EML6: variants seen among roughly 807,000 people sequenced by gnomAD.
EML6 encodes the protein echinoderm microtubule-associated protein-like 6.
In EML6, 154 loss-of-function variants were observed where a neutral mutation model predicts 240.1. The observed-to-expected ratio is 0.64, with a 90% CI of 0.56 to 0.73. The LOEUF is 0.73. Among genes scored for constraint, EML6 ranks in the 30% least tolerant of loss-of-function variants. The pLI, the probability that EML6 is intolerant of heterozygous loss-of-function variation, is 0.00. For synonymous variants in EML6, 1,148 were observed against 899.0 expected, an observed-to-expected ratio of 1.28 and a Z score of -4.95; for missense variants, 2,964 against 2,474.6, an observed-to-expected ratio of 1.20 and a Z score of -4.20.
chr2:54,839,790 A>G (rs150937676), intron 7 of EML6, among the ~76,000 whole-genome samples: 2 of 152,296 alleles, frequency 1.3e-5, no homozygotes, highest in South Asian at 2.1e-4. Flanking sequence ...CTCCCTGGAT[A>G]TGGTCTGAAA....
chr2:54,788,226 C>T (rs1047174468), intron 2 of EML6, among the ~76,000 whole-genome samples: 4 of 152,236 alleles, frequency 2.6e-5, no homozygotes, highest in African/African-American at 9.6e-5. Flanking sequence ...TTCCAGATGG[C>T]TCCCGCTTCC....
At chr2:54,754,596 A>G (rs920698613) in intron 2 of EML6, among the ~76,000 whole-genome samples, 3 of 152,088 alleles carry the variant, frequency 2.0e-5, no homozygotes, top group African/African-American at 7.2e-5. Context: ...TACTTTGTCA[A>G]TTCTATATTT....
At position 54,970,628 on chromosome 2, in the gene EML6, GT is replaced by G. The variant is rs1407863423; in HGVS notation, c.*535del. Reference sequence around the variant, plus strand: ...AACCAAATGAGCCATGTATAAAGGAGTTGAGAAACTTAATTTTTAAATGTTT... The same window carrying G: ...AACCAAATGAGCCATGTATAAAGGAGTGAGAAACTTAATTTTTAAATGTTT... On this transcript the variant is annotated 3_prime_UTR_variant, in exon 42 of 42. Coordinates refer to ENST00000356458, the MANE Select transcript of EML6 (RefSeq NM_001039753.4). 1 of 153,484 alleles carries G rather than the reference GT, an allele frequency of 6.5e-6. No homozygotes were observed. The highest frequency in any genetic ancestry group is 1.5e-5 in the Non-Finnish European group (1 of 68,860). 9.5% of individuals were successfully genotyped at this position (153,484 alleles called of 1,614,324 possible).
chr2:54,866,394 G>C (rs1323141529), intron 13 of EML6, among the ~76,000 whole-genome samples: 1 of 152,166 alleles, frequency 6.6e-6, no homozygotes, highest in East Asian at 1.9e-4. Context: ...GGAGAAAATT[G>C]TCATGACTCA....
intron 2 of EML6, among the ~76,000 whole-genome samples, chr2:54,800,001 T>G (rs1342245445): frequency 6.6e-6 from 1 of 151,978 alleles, no homozygotes; most frequent in Admixed American, 6.6e-5. Context: ...ATCTGAGCAA[T>G]TTGAGAGGCT....
intron 2 of EML6, among the ~76,000 whole-genome samples, chr2:54,807,904 G>T (rs775763467): frequency 6.6e-6 from 1 of 152,130 alleles, no homozygotes; most frequent in African/African-American, 2.4e-5. Flanking sequence ...TTATACGAAG[G>T]TATTGCTGGA....
intron 17 of EML6, chr2:54,882,346 G>A (rs1317298776): frequency 6.7e-6 from 1 of 148,654 alleles, no homozygotes; most frequent in Non-Finnish European, 1.5e-5. Flanking sequence ...TAAGAACCAA[G>A]GCTGATCTCT....
chr2:54,768,213 T>A (rs1668268861), intron 2 of EML6, among the ~76,000 whole-genome samples: 1 of 152,100 alleles, frequency 6.6e-6, no homozygotes, highest in Admixed American at 6.5e-5. Context: ...AATGAAAACA[T>A]GTTGTTTTGG....
intron 2 of EML6, among the ~76,000 whole-genome samples, chr2:54,792,784 C>T (rs1359483321): frequency 6.6e-6 from 1 of 152,014 alleles, no homozygotes; most frequent in African/African-American, 2.4e-5. Flanking sequence ...TATAGAAATA[C>T]GACATTGTTC....
At chr2:54,796,735 T>G (rs1277962508) in intron 2 of EML6, among the ~76,000 whole-genome samples, 2 of 152,074 alleles carry the variant, frequency 1.3e-5, no homozygotes, top group Non-Finnish European at 2.9e-5. Flanking sequence ...AAGCGCCTAC[T>G]TGGGAGAAAA....
intron 17 of EML6, among the ~76,000 whole-genome samples, chr2:54,887,502 G>GC (rs1479334909): frequency 6.6e-6 from 1 of 152,046 alleles, no homozygotes; most frequent in Non-Finnish European, 1.5e-5. Context: ...TTTTCATCAA[G>GC]CAAAAGGTTT....
At chr2:54,855,519 C>G (rs750859849) in intron 11 of EML6, among the ~76,000 whole-genome samples, 1 of 139,196 alleles carries the variant, frequency 7.2e-6, no homozygotes, top group Non-Finnish European at 1.5e-5. Flanking sequence ...AGCAGGGACA[C>G]ATGTCCAAAC....
chr2:54,852,800 G>T (rs1013278161), intron 10 of EML6, among the ~76,000 whole-genome samples: 1 of 152,198 alleles, frequency 6.6e-6, no homozygotes. Flanking sequence ...TGAGAGAGAA[G>T]TTAGGTAATA....
At chr2:54,765,506 G>A (rs1235625934) in intron 2 of EML6, among the ~76,000 whole-genome samples, 5 of 152,064 alleles carry the variant, frequency 3.3e-5, no homozygotes, top group African/African-American at 1.2e-4. Context: ...AGTCGCCCAG[G>A]TTGGAGTGCA....
intron 5 of EML6, among the ~76,000 whole-genome samples, chr2:54,824,296 A>T (rs907711081): frequency 2.0e-5 from 3 of 152,220 alleles, no homozygotes; most frequent in South Asian, 4.1e-4. Flanking sequence ...GTCTTAGCAG[A>T]CTTGGACATT....
chr2:54,779,865 G>GAAAAAAAA (rs3036161), intron 2 of EML6, among the ~76,000 whole-genome samples: 6 of 113,148 alleles, frequency 5.3e-5, no homozygotes, highest in Non-Finnish European at 7.8e-5. Context: ...CAAAAAAAAA[G>GAAAAAAAA]AAAAAAAAAA....
In EML6 at chr2:54,891,247, T is replaced by A. The variant is rs992221821; in HGVS notation, c.2539+93T>A. The A allele has an allele frequency of 1.2e-5, 7 of 584,866 alleles. No homozygotes were observed. The Admixed American group carries it at 1.5e-4, about 13-fold the overall frequency. The allele number at this position is 584,866 out of a possible 1,614,324, so 36.2% of individuals were successfully genotyped here. On this transcript the variant is annotated intron_variant, in intron 18 of 41. Transcript: ENST00000356458. Reference sequence around the variant, plus strand: ...CAAACTGTTGCTACTACCTCGCTTGTCTCTGCAATCTAAAATAAAAATGTG... The same window carrying A: ...CAAACTGTTGCTACTACCTCGCTTGACTCTGCAATCTAAAATAAAAATGTG...
intron 2 of EML6, among the ~76,000 whole-genome samples, chr2:54,804,537 C>T (rs2567845): frequency 0.83 from 126,850 of 152,226 alleles, 52,969 homozygotes; most frequent in Middle Eastern, 0.89. Context: ...ATAAATGTGA[C>T]ATAGCCATCA....
chr2:54,879,670 C>T (rs563257304), intron 17 of EML6, 30 bp downstream of exon 17: 5 of 1,234,450 alleles, frequency 4.1e-6, no homozygotes, highest in Non-Finnish European at 5.8e-6. Context: ...TTACGGTATC[C>T]TGCTGATACC....
Sources: allele counts gnomAD v4.1 joint callset (sites outside exome capture counted in the v4.1 genomes callset), GRCh38; gene constraint gnomAD v4.1.1; transcripts MANE v1.5; gene names NCBI Gene and HGNC (gene_info 2026-07-23, HGNC 2026-07-21).